The following SGCD variants were observed in gnomAD, a reference collection of about 807,000 sequenced individuals.
The protein encoded by SGCD is delta-sarcoglycan.
In SGCD, 18 loss-of-function variants were observed where a neutral mutation model predicts 36.6. That is an observed-to-expected ratio of 0.49 (90% CI 0.34 to 0.73). The LOEUF (loss-of-function observed/expected upper bound fraction) is 0.73, where lower values mean the gene tolerates loss of function less well. SGCD is among the 30% of genes least tolerant of loss of function. The pLI is 0.01. For synonymous variants in SGCD, 133 were observed against 130.6 expected (o/e 1.02, Z -0.12); for missense variants, 387 against 346.7 (o/e 1.12, Z -0.92).
At chr5:155,972,456 C>T (rs911017350) in intron 1 of SGCD, among the ~76,000 whole-genome samples, 4 of 152,028 alleles carry the variant, frequency 2.6e-5, no homozygotes, top group African/African-American at 9.7e-5. Flanking sequence ...TTTTTAATGA[C>T]TACATGGTAT....
chr5:156,244,386 T>C (rs1765389617), intron 3 of SGCD, among the ~76,000 whole-genome samples: 1 of 152,216 alleles, frequency 6.6e-6, no homozygotes, highest in Non-Finnish European at 1.5e-5. Flanking sequence ...AAGGATTAAA[T>C]GGTAGCAACA....
intron 3 of SGCD, among the ~76,000 whole-genome samples, chr5:156,373,643 TTAA>T (rs994321899): frequency 3.3e-5 from 5 of 152,178 alleles, no homozygotes; most frequent in African/African-American, 1.2e-4. Context: ...GACTCTGACT[TTAA>T]TAATAATGTT....
intron 3 of SGCD, among the ~76,000 whole-genome samples, chr5:156,191,395 G>A (rs1763890276): frequency 6.6e-6 from 1 of 152,102 alleles, no homozygotes; most frequent in South Asian, 2.1e-4. Flanking sequence ...CGCATTAAAA[G>A]GAGTGTCAAT....
At chr5:156,500,158 A>C (rs1318812931) in intron 3 of SGCD, among the ~76,000 whole-genome samples, 1 of 152,162 alleles carries the variant, frequency 6.6e-6, no homozygotes, top group Non-Finnish European at 1.5e-5. Context: ...GGGAATACAT[A>C]CTCTAATAAA....
intron 3 of SGCD, among the ~76,000 whole-genome samples, chr5:156,428,515 A>AT (rs1392390769): frequency 6.6e-6 from 1 of 151,154 alleles, no homozygotes; most frequent in Non-Finnish European, 1.5e-5. Flanking sequence ...ATATTTTGTA[A>AT]TTTTTTTGTT....
chr5:156,570,415 A>AT (rs932296232), intron 4 of SGCD, among the ~76,000 whole-genome samples: 29 of 152,318 alleles, frequency 1.9e-4, no homozygotes, highest in African/African-American at 6.0e-4. Context: ...TTTCTAATAG[A>AT]TTTTTGTTAA....
At chr5:155,859,668 C>A in the SGCD span, among the ~76,000 whole-genome samples, 2 of 152,120 alleles carry the variant, frequency 1.3e-5, no homozygotes, top group Non-Finnish European at 2.9e-5. Flanking sequence ...TCCATGCTGT[C>A]ATCAACAGTT....
At chr5:156,045,305 T>G (rs1029235049) in intron 1 of SGCD, among the ~76,000 whole-genome samples, 1 of 152,186 alleles carries the variant, frequency 6.6e-6, no homozygotes, top group East Asian at 1.9e-4. Context: ...CATATACCTG[T>G]ATATTTTACA....
intron 3 of SGCD, among the ~76,000 whole-genome samples, chr5:156,246,530 T>C (rs1765444386): frequency 6.6e-6 from 1 of 152,168 alleles, no homozygotes; most frequent in African/African-American, 2.4e-5. Flanking sequence ...TTCTTTCACA[T>C]ATGCTGAACA....
intron 4 of SGCD, among the ~76,000 whole-genome samples, chr5:156,582,568 T>C (rs2113342769): frequency 6.6e-6 from 1 of 152,356 alleles, no homozygotes; most frequent in Non-Finnish European, 1.5e-5. Flanking sequence ...GAAGTCATTC[T>C]TAGCCAAGGC....
intron 3 of SGCD, among the ~76,000 whole-genome samples, chr5:156,142,337 C>A (rs183957484): frequency 0.011 from 1,676 of 152,242 alleles, 14 homozygotes; most frequent in Middle Eastern, 0.048. Context: ...TTCTTTACAA[C>A]AATGTGAGAA....
intron 3 of SGCD, among the ~76,000 whole-genome samples, chr5:156,216,635 A>G (rs1417954006): frequency 2.0e-5 from 3 of 152,374 alleles, no homozygotes; most frequent in East Asian, 3.9e-4. Flanking sequence ...GAGTAAAAGC[A>G]TGCATTTGGC....
chr5:155,759,541 C>T, the SGCD span, among the ~76,000 whole-genome samples: 1 of 152,152 alleles, frequency 6.6e-6, no homozygotes, highest in African/African-American at 2.4e-5. Context: ...ATCCCAGAAA[C>T]ATCTTTAAAC....
At chr5:156,727,170 G>T (rs1249963901) in intron 7 of SGCD, among the ~76,000 whole-genome samples, 1 of 152,124 alleles carries the variant, frequency 6.6e-6, no homozygotes, top group Non-Finnish European at 1.5e-5. Flanking sequence ...GCAGGGTGAG[G>T]GTCAATGGAT....
intron 1 of SGCD, among the ~76,000 whole-genome samples, chr5:156,104,946 A>G (rs1191586504): frequency 1.3e-5 from 2 of 152,160 alleles, no homozygotes; most frequent in Admixed American, 6.6e-5. Flanking sequence ...TAGTTGAACA[A>G]TGAGAACACG....
intron 1 of SGCD, among the ~76,000 whole-genome samples, chr5:156,007,422 A>T (rs1422968215): frequency 1.3e-5 from 2 of 152,238 alleles, no homozygotes; most frequent in African/African-American, 4.8e-5. Context: ...TTTCTAGTGC[A>T]TGAAAGAAAA....
intron 3 of SGCD, among the ~76,000 whole-genome samples, chr5:156,181,231 C>G (rs1763598140): frequency 1.3e-5 from 2 of 152,082 alleles, no homozygotes; most frequent in African/African-American, 4.8e-5. Context: ...CATCAGAAAA[C>G]ATCTAATAAT....
intron 1 of SGCD, among the ~76,000 whole-genome samples, chr5:155,996,863 GGATA>G (rs10696253): frequency 0.19 from 25,210 of 133,240 alleles, 2,247 homozygotes; most frequent in Non-Finnish European, 0.22. Flanking sequence ...CTGGATGGAT[GGATA>G]GATAGATAGA....
intron 4 of SGCD, among the ~76,000 whole-genome samples, chr5:156,586,836 C>G (rs867431031): frequency 9.2e-5 from 14 of 152,174 alleles, no homozygotes; most frequent in African/African-American, 3.1e-4. Flanking sequence ...AGCCATTTCT[C>G]TAAGGAGCTC....
Sources: allele counts gnomAD v4.1 joint callset (sites outside exome capture counted in the v4.1 genomes callset), GRCh38; gene constraint gnomAD v4.1.1; transcripts MANE v1.5; gene names NCBI Gene and HGNC (gene_info 2026-07-23, HGNC 2026-07-21).